LRRC49: variants seen among roughly 807,000 people sequenced by gnomAD.
LRRC49 encodes the protein leucine rich repeat containing 49, also known as leucine-rich repeat-containing protein 49.
In LRRC49, 50 loss-of-function variants were observed where a neutral mutation model predicts 83.3. The ratio of observed to expected loss-of-function variants is 0.60; its 90% confidence interval spans 0.48 to 0.76. The LOEUF (loss-of-function observed/expected upper bound fraction) is 0.76. Among genes scored for constraint, LRRC49 ranks in the 30% least tolerant of loss-of-function variants. The pLI is 0.00. For missense variants in LRRC49, 704 were observed against 809.1 expected, an observed-to-expected ratio of 0.87 and a Z score of 1.58; for synonymous variants, 286 against 283.3, an observed-to-expected ratio of 1.01 and a Z score of -0.10.
In LRRC49 at chr15:70,892,942, C is replaced by A. The variant is rs752356867; in HGVS notation, c.48C>A (p.Asn16Lys). The A allele has an allele frequency of 6.2e-7, 1 of 1,614,172 alleles. No homozygotes were observed. The highest frequency in any genetic ancestry group is 1.1e-5 in the South Asian group (1 of 91,086). The change falls in exon 1 of 16, where the codon AAC becomes AAA. Residue 16 changes from asparagine (N) to lysine (K), a missense_variant and splice_region_variant. Asn to Lys is a moderately conservative substitution (Grantham distance 94). Transcript: ENST00000260382. The stretch of plus-strand genomic sequence containing the variant: ...CTGTTTCTGGCCGGGCTGCGAACAA[C>A]GTAAGTTGGGCCTTCTACTTTCTCT... Reference protein sequence around the residue: ...YRSVSGRAANNVNCGLHLVIQ... With the variant: ...YRSVSGRAANKVNCGLHLVIQ...
chr15:71,036,461 C>A (rs916003686), intron 14 of LRRC49, among the ~76,000 whole-genome samples: 9 of 152,240 alleles, frequency 5.9e-5, no homozygotes, highest in Admixed American at 6.5e-5. Context: ...CTTCTGCCCT[C>A]AATCTTCAGT....
At chr15:70,976,021 G>A (rs899520883) in intron 9 of LRRC49, among the ~76,000 whole-genome samples, 1 of 152,186 alleles carries the variant, frequency 6.6e-6, no homozygotes, top group Middle Eastern at 3.2e-3. Flanking sequence ...CCTATATAAA[G>A]TTGAGGATGC....
intron 7 of LRRC49, among the ~76,000 whole-genome samples, chr15:70,932,726 C>CTTTTTTTTTTT (rs5813614): frequency 2.1e-5 from 2 of 97,202 alleles, no homozygotes; most frequent in African/African-American, 7.3e-5. Flanking sequence ...CTTTCTCTGT[C>CTTTTTTTTTTT]TTTTTTTTTT....
intron 8 of LRRC49, among the ~76,000 whole-genome samples, chr15:70,941,224 C>G (rs2035802583): frequency 6.6e-6 from 1 of 152,094 alleles, no homozygotes; most frequent in Non-Finnish European, 1.5e-5. Flanking sequence ...GAGGTAAGAT[C>G]AATTTGTTTG....
chr15:70,883,225 CTT>C (rs1411719475), intron 2 of LRRC49, among the ~76,000 whole-genome samples: 5 of 149,776 alleles, frequency 3.3e-5, no homozygotes, highest in Non-Finnish European at 7.4e-5. Context: ...GAGTTTTGCT[CTT>C]GTTGCCCAAG....
At chr15:71,019,699 C>T (rs1189379679) in intron 14 of LRRC49, among the ~76,000 whole-genome samples, 1 of 152,176 alleles carries the variant, frequency 6.6e-6, no homozygotes, top group African/African-American at 2.4e-5. Flanking sequence ...AAAGTTGTCC[C>T]TAAGCAAATG....
intron 1 of LRRC49, among the ~76,000 whole-genome samples, chr15:70,872,647 A>G (rs186843672): frequency 1.3e-5 from 2 of 152,272 alleles, no homozygotes; most frequent in African/African-American, 4.8e-5. Context: ...GTGTGTTCTA[A>G]AAAGATGAGA....
intron 10 of LRRC49, among the ~76,000 whole-genome samples, chr15:70,981,179 C>T (rs1009451081): frequency 2.6e-5 from 4 of 152,064 alleles, no homozygotes; most frequent in Non-Finnish European, 5.9e-5. Flanking sequence ...GAGGATTGCT[C>T]GTGCAACTCT....
chr15:70,950,781 A>G (rs955864868), intron 8 of LRRC49, among the ~76,000 whole-genome samples: 1 of 152,042 alleles, frequency 6.6e-6, no homozygotes, highest in African/African-American at 2.4e-5. Flanking sequence ...CTACTTGTCA[A>G]TTTTTTGTTT....
intron 1 of LRRC49, among the ~76,000 whole-genome samples, chr15:70,870,849 A>G (rs912930443): frequency 6.6e-5 from 10 of 152,194 alleles, no homozygotes; most frequent in African/African-American, 2.4e-4. Flanking sequence ...CCCACTGGGA[A>G]TCAAATTGTA....
intron 2 of LRRC49, chr15:70,894,808 C>T (rs1335538316): frequency 4.0e-6 from 1 of 251,684 alleles, no homozygotes; most frequent in Non-Finnish European, 7.9e-6. Context: ...GTCAAGGAGG[C>T]AGCTGTTGAT....
chr15:70,932,180 A>G (rs1009372812), intron 7 of LRRC49, among the ~76,000 whole-genome samples: 2 of 152,194 alleles, frequency 1.3e-5, no homozygotes, highest in African/African-American at 4.8e-5. Context: ...AACAAGTACA[A>G]AAACCAGATA....
chr15:70,990,664 A>G (rs2037841937), intron 11 of LRRC49, among the ~76,000 whole-genome samples: 2 of 152,028 alleles, frequency 1.3e-5, no homozygotes, highest in South Asian at 2.1e-4. Flanking sequence ...ACTGTCTGGC[A>G]CTCCCTAGTG....
intron 6 of LRRC49, among the ~76,000 whole-genome samples, chr15:70,913,937 G>T (rs564976600): frequency 6.6e-6 from 1 of 152,004 alleles, no homozygotes; most frequent in South Asian, 2.1e-4. Flanking sequence ...GATGAAAAAT[G>T]TCTGTTCCTT....
At chr15:70,937,956 T>C (rs1056066059) in intron 8 of LRRC49, among the ~76,000 whole-genome samples, 25 of 152,148 alleles carry the variant, frequency 1.6e-4, no homozygotes, top group Non-Finnish European at 3.2e-4. Context: ...TCACTCATTT[T>C]TTTTAGGGGA....
intron 1 of LRRC49, chr15:70,872,776 G>A (rs2033076353): frequency 5.9e-6 from 1 of 170,048 alleles, no homozygotes; most frequent in Non-Finnish European, 1.3e-5. Context: ...TGATTTGCAT[G>A]TACAGCCATG....
rs2036385982 is a variant in LRRC49 at position 70,955,953 on chromosome 15, A to G, written c.774-7832A>G. On this transcript the variant is annotated intron_variant, in intron 8 of 15. Coordinates refer to ENST00000260382, the MANE Select transcript of LRRC49 (RefSeq NM_017691.5). ...GCTTGATGATTTATTCTATTGTTCC[A>G]TTTCACTTCAGCCCTCTAGGCAAAT... Among the ~76,000 whole-genome samples the G allele has an allele frequency of 1.3e-5, 2 of 152,070 alleles. 1 individual carries two copies. The highest frequency in any genetic ancestry group is 4.1e-4 in the South Asian group (2 of 4,820).
chr15:70,860,209 A>G (rs560896728), intron 1 of LRRC49: 5 of 600,942 alleles, frequency 8.3e-6, no homozygotes, highest in East Asian at 8.0e-5. Flanking sequence ...CGGCTGCCCC[A>G]GGGCCCTGGA....
intron 8 of LRRC49, among the ~76,000 whole-genome samples, chr15:70,960,193 T>C (rs2036557122): frequency 6.6e-6 from 1 of 152,188 alleles, no homozygotes; most frequent in Non-Finnish European, 1.5e-5. Context: ...CCCTCAACAC[T>C]AACAAGCAGT....
Sources: gnomAD v4.1 joint callset for allele counts (sites outside exome capture counted in the v4.1 genomes callset) on GRCh38, gnomAD v4.1.1 for gene constraint, MANE v1.5 for transcripts, NCBI Gene and HGNC (gene_info 2026-07-23, HGNC 2026-07-21) for gene names.